The following STAM2 variants were observed in gnomAD, a reference collection of about 807,000 sequenced individuals.
The protein encoded by STAM2 is signal transducing adapter molecule 2.
Under a neutral mutation model 65.6 loss-of-function variants are expected in STAM2, and 51 were observed. The ratio of observed to expected loss-of-function variants is 0.78; its 90% CI spans 0.62 to 0.98. The LOEUF is 0.98. Ranked by LOEUF, STAM2 falls within the 50% of genes least tolerant of loss-of-function variation. The pLI, the probability that STAM2 is intolerant of heterozygous loss-of-function variation, is 0.00. For synonymous variants in STAM2, 198 were observed against 208.4 expected (o/e 0.95, Z 0.43); for missense variants, 584 against 617.8 (o/e 0.95, Z 0.58).
Position 152,120,457 on chromosome 2 carries a change from A to T in STAM2, c.*117T>A. 1.4e-6 allele frequency: 1 copy of T among 740,224 alleles called. No homozygotes were observed. 45.9% of individuals were successfully genotyped at this position (740,224 alleles called of 1,614,324 possible). A position where few individuals can be genotyped will look rare whatever the true frequency, so the allele number is the denominator to read the frequency against. ...AGAATAAGAGAGGTTTTTGTGCTTT[A>T]TTTATTCATGGTCCTTTTGAGTTGA... On this transcript the variant is annotated 3_prime_UTR_variant, in exon 14 of 14. Transcript: ENST00000263904.
Position 152,165,984 on chromosome 2 carries a change from C to T in STAM2, c.40+9619G>A, listed in dbSNP as rs189499445. Among the ~76,000 whole-genome samples, 558 of 152,250 alleles carry T rather than the reference C, an allele frequency of 3.7e-3. 1 individual carries two copies. The highest frequency in any genetic ancestry group is 6.3e-3 in the Non-Finnish European group (430 of 68,030). Reference sequence around the variant, plus strand: ...GCGGGAGGTCAAGGCGGGCGGATTACATAAGGCCAGGAGTTGCAGACCAGC... The same window carrying T: ...GCGGGAGGTCAAGGCGGGCGGATTATATAAGGCCAGGAGTTGCAGACCAGC... On this transcript the variant is annotated intron_variant, in intron 1 of 13. Transcript: ENST00000263904.
At chr2:152,133,531 AT>A in intron 8 of STAM2, 47 bp from the exon 9 acceptor site, 2 of 1,449,120 alleles carry the variant, frequency 1.4e-6, no homozygotes, top group South Asian at 1.2e-5. Context: ...TACTTCAGTA[AT>A]TTTAGTCATT....
At chr2:152,130,286 C>G (rs1439577932) in intron 11 of STAM2, among the ~76,000 whole-genome samples, 1 of 151,992 alleles carries the variant, frequency 6.6e-6, no homozygotes, top group Non-Finnish European at 1.5e-5. Flanking sequence ...GTGTCTTGCT[C>G]TTTTGCCCAG....
chr2:152,121,948 T>C (rs948708833), intron 13 of STAM2, among the ~76,000 whole-genome samples: 5 of 151,384 alleles, frequency 3.3e-5, no homozygotes, highest in Admixed American at 3.3e-4. Context: ...CTCAGGAGGC[T>C]GAGGCAAGAG....
intron 8 of STAM2, among the ~76,000 whole-genome samples, chr2:152,134,041 T>G (rs1484516587): frequency 6.6e-6 from 1 of 152,118 alleles, no homozygotes; most frequent in African/African-American, 2.4e-5. Flanking sequence ...AAGTTTTTCA[T>G]GAAGAGAAGG....
intron 1 of STAM2, among the ~76,000 whole-genome samples, chr2:152,160,348 C>T (rs1222719888): frequency 1.3e-5 from 2 of 151,578 alleles, no homozygotes; most frequent in African/African-American, 4.9e-5. Flanking sequence ...GGCCGCCCAT[C>T]GTCTGAGATG....
chr2:152,121,899 T>C (rs1205260323), intron 13 of STAM2, among the ~76,000 whole-genome samples: 1 of 151,772 alleles, frequency 6.6e-6, no homozygotes, highest in Non-Finnish European at 1.5e-5. Flanking sequence ...AAAAACAAAA[T>C]TAGCTGGGTG....
At chr2:152,173,383 T>TATGTATAC (rs1182462218) in intron 1 of STAM2, among the ~76,000 whole-genome samples, 48 of 146,514 alleles carry the variant, frequency 3.3e-4, no homozygotes, top group Admixed American at 6.2e-4. Flanking sequence ...CATATATATA[T>TATGTATAC]ATATGTATAC....
chr2:152,122,499 T>G (rs1409771113), intron 13 of STAM2, among the ~76,000 whole-genome samples: 1 of 152,162 alleles, frequency 6.6e-6, no homozygotes, highest in Non-Finnish European at 1.5e-5. Context: ...AGAATTAGTT[T>G]CAAAACTACA....
chr2:152,170,634 A>C (rs947886388), intron 1 of STAM2, among the ~76,000 whole-genome samples: 6 of 152,268 alleles, frequency 3.9e-5, no homozygotes, highest in African/African-American at 1.2e-4. Flanking sequence ...ATAGTAGTAT[A>C]GTATCACGCA....
Position 152,120,542 on chromosome 2 carries a change from T to G in STAM2, c.*32A>C. 3 of 1,594,488 alleles carry G rather than the reference T, an allele frequency of 1.9e-6. No homozygotes were observed. The highest frequency in any genetic ancestry group is 2.6e-6 in the Non-Finnish European group (3 of 1,163,462). On this transcript the variant is annotated 3_prime_UTR_variant, in exon 14 of 14. Coordinates refer to ENST00000263904, the MANE Select transcript of STAM2 (RefSeq NM_005843.6). Reference sequence around the variant, plus strand: ...TCACAAGGACTGAATAATACACTTATGAAGGCTTTCAAGAAAATGCTTGAT... The same window carrying G: ...TCACAAGGACTGAATAATACACTTAGGAAGGCTTTCAAGAAAATGCTTGAT...
rs754726533 is a variant in STAM2, at chr2:152,143,960, A to G, written c.571T>C (p.Leu191=). ...QKQQHTETKS[L]YPSSEIQLNN... ...AACTGAATTTCTGAAGATGGATATA[A>G]GGATTTTGTTTCTGTGTGTTGCTGT... The change falls in exon 7 of 14, where the codon TTA becomes CTA. Residue 191 remains leucine (L), a synonymous_variant. Transcript: ENST00000263904. The G allele has an allele frequency of 6.2e-7, 1 of 1,613,728 alleles. No homozygotes were observed. Among genetic ancestry groups the G allele is most frequent in the Non-Finnish European group, 8.5e-7 (1 of 1,179,864 alleles).
chr2:152,149,281 T>C (rs996088575), intron 2 of STAM2, among the ~76,000 whole-genome samples: 1 of 152,176 alleles, frequency 6.6e-6, no homozygotes, highest in African/African-American at 2.4e-5. Flanking sequence ...AAGGCTTTAA[T>C]TATGTGTGTT....
chr2:152,150,793 G>A (rs1187448240), intron 1 of STAM2, among the ~76,000 whole-genome samples: 1 of 152,198 alleles, frequency 6.6e-6, no homozygotes, highest in Non-Finnish European at 1.5e-5. Context: ...ATGACAGGGT[G>A]AGACTCTACC....
chr2:152,145,405 G>T (rs1689319840), intron 5 of STAM2, among the ~76,000 whole-genome samples: 1 of 152,076 alleles, frequency 6.6e-6, no homozygotes, highest in Non-Finnish European at 1.5e-5. Flanking sequence ...TTAAATAATT[G>T]TTTTCAAATA....
chr2:152,159,973 T>C lies in STAM2; in HGVS notation c.41-9744A>G, dbSNP rs373839469. 2.2e-4 allele frequency among the ~76,000 whole-genome samples: 33 copies of C among 152,382 alleles called. 1 individual carries two copies. In the East Asian group the frequency reaches 5.4e-3, roughly 25 times the overall value. ...CTCCAGCTCCTAACCGCGAGTGATC[T>C]GCCAGCCTCGGCCTCCCGAGGTGCC... On this transcript the variant is annotated intron_variant, in intron 1 of 13. Coordinates refer to ENST00000263904, the MANE Select transcript of STAM2 (RefSeq NM_005843.6).
intron 1 of STAM2, among the ~76,000 whole-genome samples, chr2:152,174,130 T>C (rs1427851629): frequency 6.6e-6 from 1 of 152,230 alleles, no homozygotes; most frequent in Non-Finnish European, 1.5e-5. Context: ...CTCTGCCTAC[T>C]TGTACCAGAG....
chr2:152,133,817 T>C (rs1689107302), intron 8 of STAM2, among the ~76,000 whole-genome samples: 1 of 152,164 alleles, frequency 6.6e-6, no homozygotes, highest in African/African-American at 2.4e-5. Context: ...ATTTTAGGCA[T>C]TTTCCTGAAA....
At chr2:152,158,845 T>G (rs947375266) in intron 1 of STAM2, among the ~76,000 whole-genome samples, 10 of 151,908 alleles carry the variant, frequency 6.6e-5, no homozygotes, top group Admixed American at 6.6e-4. Context: ...CCCTTTTTAT[T>G]GCAGCATTAA....
Sources: allele counts gnomAD v4.1 joint callset (sites outside exome capture counted in the v4.1 genomes callset), GRCh38; gene constraint gnomAD v4.1.1; transcripts MANE v1.5; gene names NCBI Gene and HGNC (gene_info 2026-07-23, HGNC 2026-07-21).